The following ZNF559 variants were observed in gnomAD, a reference collection of about 807,000 sequenced individuals.
The protein encoded by ZNF559 is zinc finger protein 559, also known as putative protein product of Nbla00121.
A neutral mutation model predicts 14.2 loss-of-function variants in ZNF559; 17 were observed. The ratio of observed to expected loss-of-function variants is 1.20; its 90% CI spans 0.82 to 1.80. ZNF559 has a LOEUF of 1.80. ZNF559 is among the 40% of genes most tolerant of loss of function. The pLI is 0.00. For synonymous variants in ZNF559, 244 were observed against 212.4 expected (o/e 1.15, Z -1.29); for missense variants, 740 against 629.7 (o/e 1.18, Z -1.88).
Position 9,342,345 on chromosome 19 carries a change from T to A in ZNF559, c.894T>A (p.Val298=). 1 of 1,606,824 alleles carries A rather than the reference T, an allele frequency of 6.2e-7. No individual in the cohort carries two copies. The change falls in exon 7 of 7, where the codon GTT becomes GTA. Residue 298 remains valine, a synonymous_variant. Transcript: ENST00000603380. ...IRLRTRGKHY[V]CNECGKEFTC... ...TTAGAACTAGAGGAAAACACTATGT[T>A]TGTAATGAATGTGGCAAAGAATTTA...
intron 2 of ZNF559, 85 bp downstream of exon 2, chr19:9,324,865 G>C: frequency 8.4e-7 from 1 of 1,191,604 alleles, no homozygotes; most frequent in Non-Finnish European, 1.2e-6. Flanking sequence ...ACCTTTTCAG[G>C]TGGTTGTTCG....
Position 9,341,795 on chromosome 19 carries a change from G to GA in ZNF559, c.347dup (p.Lys117GlufsTer4). The GA allele has an allele frequency of 6.2e-7, 1 of 1,608,722 alleles. No homozygotes were observed. The highest frequency in any genetic ancestry group is 8.5e-7 in the Non-Finnish European group (1 of 1,178,642). ...AAGACTCACAGGAGAACTTACTTTA[G>GA]AAAGAAAACCTGTGAGTGTAATCAA... is the stretch of plus-strand genomic sequence containing the variant. On this transcript the variant is annotated frameshift_variant, in exon 7 of 7. Coordinates refer to ENST00000603380, the MANE Select transcript of ZNF559 (RefSeq NM_032497.3). LOFTEE classifies it low-confidence loss of function (END_TRUNC).
Position 9,343,140 on chromosome 19 carries a change from C to G in ZNF559, c.*72C>G, listed in dbSNP as rs2067656124. ...CACACTTACTGAACATGTACTCATT[C>G]ATAGTGGCAATGTACACAGTCATAA... On this transcript the variant is annotated 3_prime_UTR_variant, in exon 7 of 7. Transcript: ENST00000603380. The G allele has an allele frequency of 6.5e-7, 1 of 1,538,324 alleles. No homozygotes were observed.
chr19:9,335,118 A>G (rs1220991696), intron 2 of ZNF559, among the ~76,000 whole-genome samples: 1 of 139,548 alleles, frequency 7.2e-6, no homozygotes, highest in Non-Finnish European at 1.6e-5. Context: ...CCTGGGTGAC[A>G]GAGCGAGACT....
intron 2 of ZNF559, among the ~76,000 whole-genome samples, chr19:9,334,719 G>T (rs2067133331): frequency 6.6e-6 from 1 of 152,094 alleles, no homozygotes; most frequent in Non-Finnish European, 1.5e-5. Flanking sequence ...TCATTTCCAG[G>T]TGTTTGAAAG....
In ZNF559 at chr19:9,342,983, A is replaced by T. The variant is rs757174850; in HGVS notation, c.1532A>T (p.His511Leu). ...ACTCGGTCCACATATCTTATTCGACATCTAAGAAGTCATAGTGTGGAGAAA... is the reference window on the plus strand; with the variant it reads ...ACTCGGTCCACATATCTTATTCGACTTCTAAGAAGTCATAGTGTGGAGAAA... Reference protein sequence around the residue: ...AFTRSTYLIRHLRSHSVEKPY... With the variant: ...AFTRSTYLIRLLRSHSVEKPY... The change falls in exon 7 of 7, where the codon CAT (histidine) becomes CTT (leucine). Residue 511 changes from histidine (H) to leucine (L), a missense_variant. His to Leu is a moderately conservative substitution (Grantham distance 99). Coordinates refer to ENST00000603380, the MANE Select transcript of ZNF559 (RefSeq NM_032497.3). 2 of 1,614,122 alleles carry T rather than the reference A, an allele frequency of 1.2e-6. No homozygotes were observed. Among genetic ancestry groups the T allele is most frequent in the African/African-American group, 2.7e-5 (2 of 74,942 alleles).
rs1311972503 is a variant in ZNF559, at chr19:9,343,983, C to A, written c.*915C>A. 12 of 216,486 alleles carry A rather than the reference C, an allele frequency of 5.5e-5. No individual in the cohort carries two copies. Among genetic ancestry groups the A allele is most frequent in the Non-Finnish European group, 7.1e-5 (9 of 127,236 alleles). The allele number at this position is 216,486 out of a possible 1,614,324, so 13.4% of individuals were successfully genotyped here. On this transcript the variant is annotated 3_prime_UTR_variant, in exon 7 of 7. Coordinates refer to ENST00000603380, the MANE Select transcript of ZNF559 (RefSeq NM_032497.3). ...TTTAGGCTGGGTGCAGTGGCTCATTCCTGTAATCCCAGCACTTTGAAAGGC... is the reference window on the plus strand; with the variant it reads ...TTTAGGCTGGGTGCAGTGGCTCATTACTGTAATCCCAGCACTTTGAAAGGC...
chr19:9,324,645 A>G lies in ZNF559; in HGVS notation c.-205-50A>G, dbSNP rs750692158. 221 of 44,204 alleles carry G rather than the reference A, an allele frequency of 5.0e-3. 1 individual carries two copies. Among genetic ancestry groups the G allele is most frequent in the Non-Finnish European group, 7.1e-3 (200 of 28,204 alleles). The allele number at this position is 44,204 out of a possible 1,614,324, so 2.7% of individuals were successfully genotyped here. Reference sequence around the variant, plus strand: ...CCCCCCCCCCAACCATCTCTAATGGAAAAAAAAAAAAAAGTCTCCACATCC... The same window carrying G: ...CCCCCCCCCCAACCATCTCTAATGGGAAAAAAAAAAAAAGTCTCCACATCC... On this transcript the variant is annotated intron_variant, in intron 1 of 6. Transcript: ENST00000603380.
rs1345800024 is a variant in ZNF559, at chr19:9,342,914, C to G, written c.1463C>G (p.Thr488Ser). The change falls in exon 7 of 7, where the codon ACT becomes AGT. Residue 488 changes from threonine to serine, a missense_variant. Thr to Ser is a moderately conservative substitution (Grantham distance 58). Transcript: ENST00000603380. ...CTTACAGTACACATGAGAACTCACA[C>G]TGGTGAACGGCCCTTTGAATGTCAG... is the stretch of plus-strand genomic sequence containing the variant. Reference protein sequence around the residue: ...SGLTVHMRTHTGERPFECQEC... With the variant: ...SGLTVHMRTHSGERPFECQEC... The G allele has an allele frequency of 1.2e-6, 2 of 1,614,036 alleles. No homozygotes were observed. The highest frequency in any genetic ancestry group is 1.3e-5 in the African/African-American group (1 of 74,916).
chr19:9,330,075 C>G (rs1196894057), intron 2 of ZNF559: 3 of 152,130 alleles, frequency 2.0e-5, no homozygotes, highest in Admixed American at 6.5e-5. Context: ...TCATTGTTTT[C>G]TGGCTGTTTT....
rs998239063 is a variant in ZNF559, at chr19:9,339,233, A to G, written c.74A>G (p.Gln25Arg). The G allele has an allele frequency of 9.3e-6, 15 of 1,613,918 alleles. No individual in the cohort carries two copies. Among genetic ancestry groups the G allele is most frequent in the Non-Finnish European group, 1.3e-5 (15 of 1,179,968 alleles). The change falls in exon 5 of 7, where the codon CAG becomes CGG. Residue 25 changes from glutamine to arginine, a missense_variant. By Grantham distance (43) the Gln-to-Arg change is conservative (BLOSUM62 1). Transcript: ENST00000603380. ...TFEDVAVDFT[Q>R]EEWTLLDQTQ... Reference sequence around the variant, plus strand: ...GAGGATGTGGCTGTGGACTTCACCCAGGAGGAGTGGACTTTGCTGGATCAA... The same window carrying G: ...GAGGATGTGGCTGTGGACTTCACCCGGGAGGAGTGGACTTTGCTGGATCAA...
rs892469197 is a variant in ZNF559, at chr19:9,324,214, C to T, written c.-220C>T. 7.8e-6 allele frequency: 12 copies of T among 1,535,992 alleles called. No individual in the cohort carries two copies. Among genetic ancestry groups the T allele is most frequent in the African/African-American group, 6.8e-5 (5 of 73,064 alleles). On this transcript the variant is annotated 5_prime_UTR_variant, in exon 1 of 7. Transcript: ENST00000603380. ...CGGCCGCCATCTTAACAGCGCGTTC[C>T]CGTTGGCGTCTGAGGTAAGTTTTTG... is the stretch of plus-strand genomic sequence containing the variant.
At chr19:9,329,158 T>C (rs888954451) in intron 2 of ZNF559, among the ~76,000 whole-genome samples, 2 of 152,182 alleles carry the variant, frequency 1.3e-5, no homozygotes. Flanking sequence ...AAAATCATAG[T>C]TTATTATTCC....
Position 9,341,689 on chromosome 19 carries a change from C to T in ZNF559, c.244-6C>T. The T allele has an allele frequency of 6.3e-7, 1 of 1,597,508 alleles. No homozygotes were observed. The highest frequency in any genetic ancestry group is 2.2e-5 in the East Asian group (1 of 44,764). ...TCTATGAACCATCATTAATTTTCAC[C>T]AACAGGAGAGAAACCATTTTGGAGA... On this transcript the variant is annotated splice_polypyrimidine_tract_variant and splice_region_variant and intron_variant, in intron 6 of 6. Transcript: ENST00000603380.
At chr19:9,333,719 T>A (rs1430636815) in intron 2 of ZNF559, among the ~76,000 whole-genome samples, 4 of 62,646 alleles carry the variant, frequency 6.4e-5, no homozygotes, top group African/African-American at 1.3e-4. Flanking sequence ...AGCCTGAGAA[T>A]AAGAGGAGAT....
chr19:9,333,399 A>G (rs1447822462), intron 2 of ZNF559, among the ~76,000 whole-genome samples: 1 of 152,186 alleles, frequency 6.6e-6, no homozygotes, highest in Non-Finnish European at 1.5e-5. Flanking sequence ...CTTTTAATGA[A>G]GTTAAAAATA....
chr19:9,343,599 T>C lies in ZNF559; in HGVS notation c.*531T>C. Reference sequence around the variant, plus strand: ...TCTTCTTTGTTTTTAGCTTCCACTTTGGGAACATGTCAAAGCACACATTGA... The same window carrying C: ...TCTTCTTTGTTTTTAGCTTCCACTTCGGGAACATGTCAAAGCACACATTGA... On this transcript the variant is annotated 3_prime_UTR_variant, in exon 7 of 7. Coordinates refer to ENST00000603380, the MANE Select transcript of ZNF559 (RefSeq NM_032497.3). 1 of 991,696 alleles carries C rather than the reference T, an allele frequency of 1.0e-6. No homozygotes were observed. The allele number at this position is 991,696 out of a possible 1,614,324, so 61.4% of individuals were successfully genotyped here.
At chr19:9,326,662 TAA>T in intron 2 of ZNF559, among the ~76,000 whole-genome samples, 1 of 152,308 alleles carries the variant, frequency 6.6e-6, no homozygotes, top group East Asian at 1.9e-4. Context: ...TTTAATATAT[TAA>T]AAATGCAGCA....
At chr19:9,337,350 C>T (rs896556814) in intron 2 of ZNF559, among the ~76,000 whole-genome samples, 1 of 152,150 alleles carries the variant, frequency 6.6e-6, no homozygotes, top group Non-Finnish European at 1.5e-5. Context: ...TATACACTTA[C>T]CAGGGAAGAT....
Sources: allele counts gnomAD v4.1 joint callset (sites outside exome capture counted in the v4.1 genomes callset), GRCh38; gene constraint gnomAD v4.1.1; transcripts MANE v1.5; gene names NCBI Gene and HGNC (gene_info 2026-07-23, HGNC 2026-07-21).